The following OTOP1 variants were observed in gnomAD, a reference collection of about 807,000 sequenced individuals.
OTOP1 encodes proton channel OTOP1.
OTOP1 carries 59 observed loss-of-function variants against 52.9 expected under a neutral mutation model. That is an observed-to-expected ratio of 1.12 (90% CI 0.91 to 1.39). OTOP1 has a LOEUF of 1.39. OTOP1 is among the 40% of genes most tolerant of loss of function. OTOP1 has a pLI of 0.00. For missense variants in OTOP1, 761 were observed against 800.9 expected (o/e 0.95, Z 0.60); for synonymous variants, 317 against 337.7 (o/e 0.94, Z 0.67).
intron 2 of OTOP1, among the ~76,000 whole-genome samples, chr4:4,210,416 A>T (rs1560208872): frequency 6.6e-6 from 1 of 152,212 alleles, no homozygotes; most frequent in Non-Finnish European, 1.5e-5. Flanking sequence ...CTAGAAATCC[A>T]AGATCAAGGT....
intron 3 of OTOP1, among the ~76,000 whole-genome samples, chr4:4,204,303 T>C (rs1271345951): frequency 2.6e-5 from 4 of 152,288 alleles, no homozygotes; most frequent in South Asian, 2.1e-4. Context: ...CTGTAGATCA[T>C]GGCCAGCCTT....
chr4:4,190,525 G>C (rs2916406), intron 5 of OTOP1, among the ~76,000 whole-genome samples: 123,118 of 152,242 alleles, frequency 0.81, 50,630 homozygotes, highest in African/African-American at 0.96. Context: ...TGTGTCTGTA[G>C]TGAATATGTA....
intron 3 of OTOP1, among the ~76,000 whole-genome samples, chr4:4,205,465 C>A (rs554101187): frequency 1.6e-4 from 24 of 152,276 alleles, no homozygotes; most frequent in African/African-American, 5.3e-4. Flanking sequence ...GAGTTTTGTT[C>A]TTACTGGGGA....
chr4:4,193,077 T>C (rs2108795129), intron 5 of OTOP1, among the ~76,000 whole-genome samples: 1 of 152,338 alleles, frequency 6.6e-6, no homozygotes, highest in Admixed American at 6.5e-5. Flanking sequence ...AATAAGCATG[T>C]GTCAGATCCC....
At chr4:4,209,989 C>T (rs1716989599) in intron 2 of OTOP1, among the ~76,000 whole-genome samples, 1 of 152,160 alleles carries the variant, frequency 6.6e-6, no homozygotes, top group Admixed American at 6.5e-5. Flanking sequence ...GAAATCGACC[C>T]TCACCCCAAG....
rs188757497 is a variant in OTOP1, at chr4:4,218,003, T to G, written c.404-4999A>C. ...AGAAAAGAACTTAAATTCAAATGGA[T>G]AAACTGCCTGAGATGTGTAATTTAC... On this transcript the variant is annotated intron_variant, in intron 1 of 5. Coordinates refer to ENST00000296358, the MANE Select transcript of OTOP1 (RefSeq NM_177998.3). 5.9e-5 allele frequency among the ~76,000 whole-genome samples: 9 copies of G among 152,276 alleles called. 1 individual carries two copies. Among genetic ancestry groups the G allele is most frequent in the Admixed American group, 5.9e-4 (9 of 15,278 alleles).
chr4:4,191,560 C>T (rs73077810), intron 5 of OTOP1, among the ~76,000 whole-genome samples: 8 of 152,318 alleles, frequency 5.3e-5, no homozygotes, highest in South Asian at 2.1e-4. Context: ...TCACTCCCAC[C>T]GGGGGTTTTA....
chr4:4,204,253 G>GTGTTTGCCCATC (rs1716849799), intron 3 of OTOP1, among the ~76,000 whole-genome samples: 1 of 152,092 alleles, frequency 6.6e-6, no homozygotes, highest in South Asian at 2.1e-4. Context: ...TCTGAGTCAG[G>GTGTTTGCCCATC]TGTTTGCCCA....
At chr4:4,223,258 G>T (rs1717339517) in intron 1 of OTOP1, among the ~76,000 whole-genome samples, 1 of 152,186 alleles carries the variant, frequency 6.6e-6, no homozygotes, top group Non-Finnish European at 1.5e-5. Flanking sequence ...TTGGTTTTGT[G>T]TCCCCACCCT....
At chr4:4,206,237 G>A (rs563779964) in intron 2 of OTOP1, 107 bp from the exon 3 acceptor site, 2 of 869,170 alleles carry the variant, frequency 2.3e-6, no homozygotes, top group South Asian at 1.5e-5. Flanking sequence ...GAAAATGCTG[G>A]GACATCAGTG....
chr4:4,218,685 T>C (rs1179923769), intron 1 of OTOP1, among the ~76,000 whole-genome samples: 1 of 152,078 alleles, frequency 6.6e-6, no homozygotes, highest in Non-Finnish European at 1.5e-5. Context: ...CCTGGCACTT[T>C]GGGAGGCCAA....
intron 1 of OTOP1, among the ~76,000 whole-genome samples, chr4:4,216,188 G>C (rs974478068): frequency 6.6e-6 from 1 of 152,058 alleles, no homozygotes; most frequent in African/African-American, 2.4e-5. Context: ...AAGAAAGGAA[G>C]CAATCTTTGA....
intron 5 of OTOP1, among the ~76,000 whole-genome samples, chr4:4,196,277 C>G (rs1008235359): frequency 6.6e-6 from 1 of 152,000 alleles, no homozygotes; most frequent in Non-Finnish European, 1.5e-5. Flanking sequence ...TTTGGCCAGG[C>G]GTGGGAGCTC....
At chr4:4,194,992 C>T (rs1199897763) in intron 5 of OTOP1, among the ~76,000 whole-genome samples, 13 of 152,230 alleles carry the variant, frequency 8.5e-5, no homozygotes, top group Non-Finnish European at 1.8e-4. Context: ...GGCTTTCTCT[C>T]CCAGTCTTTC....
At chr4:4,217,854 G>A (rs1717184327) in intron 1 of OTOP1, among the ~76,000 whole-genome samples, 1 of 152,170 alleles carries the variant, frequency 6.6e-6, no homozygotes, top group Non-Finnish European at 1.5e-5. Flanking sequence ...CAAAAGAGGG[G>A]AAGATGAAAA....
chr4:4,195,686 T>C (rs1716608883), intron 5 of OTOP1, among the ~76,000 whole-genome samples: 1 of 152,182 alleles, frequency 6.6e-6, no homozygotes, highest in Non-Finnish European at 1.5e-5. Context: ...TAATTAAACA[T>C]TGTTAAGACT....
intron 3 of OTOP1, 95 bp downstream of exon 3, chr4:4,205,977 G>A: frequency 8.9e-7 from 1 of 1,125,714 alleles, no homozygotes; most frequent in Non-Finnish European, 1.3e-6. Context: ...GAGTTGGTCT[G>A]TTTTTATAAC....
intron 2 of OTOP1, 34 bp from the exon 3 acceptor site, chr4:4,206,164 G>A (rs1464335658): frequency 6.6e-7 from 1 of 1,520,112 alleles, no homozygotes; most frequent in East Asian, 2.3e-5. Context: ...AGAAAAATCG[G>A]TGAGACACTC....
At chr4:4,217,269 T>C (rs2108804562) in intron 1 of OTOP1, among the ~76,000 whole-genome samples, 1 of 152,310 alleles carries the variant, frequency 6.6e-6, no homozygotes, top group Non-Finnish European at 1.5e-5. Context: ...AGGAGATTGC[T>C]GTAGAAACAA....
Sources: allele counts gnomAD v4.1 joint callset (sites outside exome capture counted in the v4.1 genomes callset), GRCh38; gene constraint gnomAD v4.1.1; transcripts MANE v1.5; gene names NCBI Gene and HGNC (gene_info 2026-07-23, HGNC 2026-07-21).